The following TIMELESS variants were observed in gnomAD, a reference collection of about 807,000 sequenced individuals.
TIMELESS encodes protein timeless homolog.
A neutral mutation model predicts 164.3 loss-of-function variants in TIMELESS; 124 were observed. The observed-to-expected ratio is 0.75, with a 90% CI of 0.65 to 0.88. The LOEUF (loss-of-function observed/expected upper bound fraction) is 0.88. Ranked by LOEUF, TIMELESS falls within the 40% of genes least tolerant of loss-of-function variation. TIMELESS has a pLI of 0.00. For missense variants in TIMELESS, 1,422 were observed against 1,491.4 expected (o/e 0.95, Z 0.77); for synonymous variants, 564 against 563.4 (o/e 1.00, Z -0.02).
intron 1 of TIMELESS, among the ~76,000 whole-genome samples, chr12:56,441,839 T>C (rs1341262107): frequency 2.6e-5 from 4 of 152,080 alleles, no homozygotes; most frequent in Non-Finnish European, 5.9e-5. Flanking sequence ...ATCCCAGCAC[T>C]TTGGGAAGCC....
chr12:56,423,927 G>C (rs778976995), intron 15 of TIMELESS, 33 bp from the exon 16 acceptor site: 1 of 1,569,676 alleles, frequency 6.4e-7, no homozygotes, highest in South Asian at 1.1e-5. Context: ...GCTTTACCCA[G>C]GGGAAATCTG....
intron 13 of TIMELESS, among the ~76,000 whole-genome samples, chr12:56,426,706 CG>C (rs1189604409): frequency 6.6e-6 from 1 of 151,916 alleles, no homozygotes; most frequent in African/African-American, 2.4e-5. Context: ...ATTACAGGTG[CG>C]CATGACCATG....
intron 1 of TIMELESS, among the ~76,000 whole-genome samples, chr12:56,440,395 C>A (rs576745161): frequency 6.6e-6 from 1 of 152,256 alleles, no homozygotes; most frequent in East Asian, 1.9e-4. Context: ...CCTGGGCCTC[C>A]CAAAGTGCTG....
In TIMELESS at chr12:56,423,599, A is replaced by G. The variant is rs1881574152; in HGVS notation, c.2075T>C (p.Leu692Pro). 1.9e-6 allele frequency: 3 copies of G among 1,614,084 alleles called. No homozygotes were observed. The highest frequency in any genetic ancestry group is 1.1e-5 in the South Asian group (1 of 91,082). ...VQVSEKEFNF[L>P]DYLKRFACST... is the part of the protein sequence containing the mutation. Reference sequence around the variant, plus strand: ...CAGCCCGCACCGTTTCAGGTAGTCCAGAAAATTAAATTCTTTCTCCGACAC... The same window carrying G: ...CAGCCCGCACCGTTTCAGGTAGTCCGGAAAATTAAATTCTTTCTCCGACAC... Residue 692 changes from leucine to proline, a missense_variant, in exon 17 of 29, where the codon CTG becomes CCG. Physicochemically the swap from Leu to Pro is moderately conservative, Grantham distance 98. Transcript: ENST00000553532.
At position 56,421,790 on chromosome 12, in the gene TIMELESS, G is replaced by A. The variant is rs1881499761; in HGVS notation, c.2662C>T (p.Leu888=). ...DFQRKGTHIV[L]WTGDQELELQ... is the part of the protein sequence containing the mutation. ...TCCAACTCCTGATCCCCCGTCCACAGTACAATATGGGTTCCTTTCCTGATT... is the reference window on the plus strand; with the variant it reads ...TCCAACTCCTGATCCCCCGTCCACAATACAATATGGGTTCCTTTCCTGATT... Residue 888 remains leucine, a synonymous_variant, in exon 22 of 29, where the codon CTG becomes TTG. Coordinates refer to ENST00000553532, the MANE Select transcript of TIMELESS (RefSeq NM_003920.5). The A allele has an allele frequency of 6.2e-7, 1 of 1,614,182 alleles. No individual in the cohort carries two copies. Among genetic ancestry groups the A allele is most frequent in the Non-Finnish European group, 8.5e-7 (1 of 1,180,032 alleles).
At position 56,421,138 on chromosome 12, in the gene TIMELESS, A is replaced by G. The variant is rs967366517; in HGVS notation, c.2869-4T>C. Reference sequence around the variant, plus strand: ...TCAGGGACTCCGCTCCATTTGGCTAAAATTCATTGGGGGTTGGGGGAATGA... The same window carrying G: ...TCAGGGACTCCGCTCCATTTGGCTAGAATTCATTGGGGGTTGGGGGAATGA... On this transcript the variant is annotated splice_polypyrimidine_tract_variant and splice_region_variant and intron_variant, in intron 23 of 28. Transcript: ENST00000553532. 15 of 1,613,852 alleles carry G rather than the reference A, an allele frequency of 9.3e-6. No individual in the cohort carries two copies. Among genetic ancestry groups the G allele is most frequent in the Non-Finnish European group, 1.2e-5 (14 of 1,180,016 alleles).
chr12:56,429,170 A>T, intron 10 of TIMELESS, 70 bp from the exon 11 acceptor site: 2 of 1,380,170 alleles, frequency 1.4e-6, no homozygotes, highest in Non-Finnish European at 2.0e-6. Context: ...TTCCTGTCCT[A>T]TGATGATGGA....
At chr12:56,448,397 C>T (rs2051999771) in intron 1 of TIMELESS, among the ~76,000 whole-genome samples, 2 of 149,678 alleles carry the variant, frequency 1.3e-5, no homozygotes. Context: ...CAGAGCCAGA[C>T]TCCATCTCAA....
intron 1 of TIMELESS, among the ~76,000 whole-genome samples, chr12:56,448,853 C>A (rs1192126385): frequency 6.6e-6 from 1 of 152,202 alleles, no homozygotes; most frequent in Non-Finnish European, 1.5e-5. Context: ...CCGAACAAGG[C>A]AACGAAGGGA....
At chr12:56,438,132 C>T (rs768817585) in intron 1 of TIMELESS, among the ~76,000 whole-genome samples, 1 of 152,044 alleles carries the variant, frequency 6.6e-6, no homozygotes, top group Non-Finnish European at 1.5e-5. Flanking sequence ...ACCTCTGCCT[C>T]CCTCCCGGGT....
At chr12:56,444,403 A>G (rs1868320689) in intron 1 of TIMELESS, among the ~76,000 whole-genome samples, 1 of 152,148 alleles carries the variant, frequency 6.6e-6, no homozygotes, top group African/African-American at 2.4e-5. Context: ...TACATATTTC[A>G]AACACCCACC....
chr12:56,442,211 C>T (rs1868286505), intron 1 of TIMELESS, among the ~76,000 whole-genome samples: 1 of 151,432 alleles, frequency 6.6e-6, no homozygotes. Flanking sequence ...AAAACTAGTA[C>T]TCTTTTCAGG....
At chr12:56,419,322 C>T (rs1391169036) in intron 26 of TIMELESS, among the ~76,000 whole-genome samples, 2 of 152,150 alleles carry the variant, frequency 1.3e-5, no homozygotes, top group Non-Finnish European at 2.9e-5. Flanking sequence ...GCATCAGGGG[C>T]ATGAACAAAT....
chr12:56,431,451 C>A lies in TIMELESS; in HGVS notation c.821+20G>T. On this transcript the variant is annotated intron_variant, in intron 8 of 28. Transcript: ENST00000553532. ...GCATTCCATGATGTAGGAAAAAGAA[C>A]CTGCCTCTCTGTCACTCACCTGTTG... 1 of 1,595,030 alleles carries A rather than the reference C, an allele frequency of 6.3e-7. No homozygotes were observed. The highest frequency in any genetic ancestry group is 8.5e-7 in the Non-Finnish European group (1 of 1,173,178).
chr12:56,446,058 C>T (rs531805882), intron 1 of TIMELESS, among the ~76,000 whole-genome samples: 16 of 152,244 alleles, frequency 1.1e-4, no homozygotes, highest in Non-Finnish European at 7.4e-5. Flanking sequence ...GGGTACATCA[C>T]CACACCCTGC....
At chr12:56,427,370 A>C (rs1307608634) in intron 13 of TIMELESS, among the ~76,000 whole-genome samples, 1 of 151,522 alleles carries the variant, frequency 6.6e-6, no homozygotes, top group Non-Finnish European at 1.5e-5. Context: ...TGATCCACCC[A>C]CTGTGGCCTC....
chr12:56,433,935 A>G lies in TIMELESS; in HGVS notation c.98-9T>C. 8 of 1,613,838 alleles carry G rather than the reference A, an allele frequency of 5.0e-6. No individual in the cohort carries two copies. The highest frequency in any genetic ancestry group is 6.8e-6 in the Non-Finnish European group (8 of 1,179,730). ...CAGATCCTTCACGCTCTCTTCAGAGACAGAACAAAACATGCATGTGGAACC... is the reference window on the plus strand; with the variant it reads ...CAGATCCTTCACGCTCTCTTCAGAGGCAGAACAAAACATGCATGTGGAACC... On this transcript the variant is annotated splice_polypyrimidine_tract_variant and intron_variant, in intron 2 of 28. Transcript: ENST00000553532.
chr12:56,442,099 A>AG (rs1555178673), intron 1 of TIMELESS, among the ~76,000 whole-genome samples: 4 of 126,476 alleles, frequency 3.2e-5, no homozygotes, highest in Non-Finnish European at 7.5e-5. Flanking sequence ...AAAAAAAAAA[A>AG]AAAGAAATGT....
At chr12:56,448,559 C>G (rs1188162420) in intron 1 of TIMELESS, among the ~76,000 whole-genome samples, 1 of 151,054 alleles carries the variant, frequency 6.6e-6, no homozygotes, top group Non-Finnish European at 1.5e-5. Context: ...ACCCCCATCT[C>G]TACTAAAAAA....
Sources: allele counts gnomAD v4.1 joint callset (sites outside exome capture counted in the v4.1 genomes callset), GRCh38; gene constraint gnomAD v4.1.1; transcripts MANE v1.5; gene names NCBI Gene and HGNC (gene_info 2026-07-23, HGNC 2026-07-21).